LARS1: variants seen among roughly 807,000 people sequenced by gnomAD.
LARS1 encodes leucine--tRNA ligase, cytoplasmic.
In LARS1, 100 loss-of-function variants were observed where a neutral mutation model predicts 162.8. That is an observed-to-expected ratio of 0.61 (90% CI 0.52 to 0.73). The LOEUF is 0.73. Ranked by LOEUF, LARS1 falls within the 30% of genes least tolerant of loss-of-function variation. The pLI, the probability that LARS1 is intolerant of heterozygous loss-of-function variation, is 0.00. For synonymous variants in LARS1, 457 were observed against 462.8 expected (o/e 0.99, Z 0.16); for missense variants, 1,258 against 1,408.9 (o/e 0.89, Z 1.71).
intron 28 of LARS1, among the ~76,000 whole-genome samples, chr5:146,125,415 G>A (rs1752002123): frequency 6.6e-6 from 1 of 151,974 alleles, no homozygotes; most frequent in Admixed American, 6.6e-5. Context: ...CAGCCAAGAA[G>A]ACACAAGAAT....
intron 24 of LARS1, chr5:146,130,775 C>T: frequency 3.0e-6 from 1 of 337,718 alleles, no homozygotes; most frequent in Non-Finnish European, 5.3e-6. Context: ...ATTTAATCTC[C>T]TTTATATTAA....
At chr5:146,150,626 CAA>C (rs71581862) in intron 14 of LARS1, among the ~76,000 whole-genome samples, 19 of 68,792 alleles carry the variant, frequency 2.8e-4, no homozygotes, top group Non-Finnish European at 2.5e-4. Flanking sequence ...GACTCCGTCT[CAA>C]AAAAAAAAAA....
intron 18 of LARS1, among the ~76,000 whole-genome samples, chr5:146,143,934 A>AGAG (rs1319156518): frequency 6.6e-6 from 1 of 152,100 alleles, no homozygotes; most frequent in Non-Finnish European, 1.5e-5. Flanking sequence ...CCCGGGAGGC[A>AGAG]GAGGTTGCAG....
At chr5:146,175,300 CT>C (rs1328214209) in intron 2 of LARS1, among the ~76,000 whole-genome samples, 2 of 151,596 alleles carry the variant, frequency 1.3e-5, no homozygotes, top group East Asian at 1.9e-4. Context: ...AATCCCAGCA[CT>C]TTGGGAGTCG....
chr5:146,144,767 C>A (rs1644263641), intron 15 of LARS1, 58 bp from the exon 16 acceptor site: 13 of 1,454,340 alleles, frequency 8.9e-6, no homozygotes, highest in South Asian at 3.5e-5. Context: ...CTTCATTCCT[C>A]AAGGATAAAA....
At chr5:146,137,449 T>C (rs945352927) in intron 21 of LARS1, among the ~76,000 whole-genome samples, 6 of 152,172 alleles carry the variant, frequency 3.9e-5, no homozygotes, top group African/African-American at 9.7e-5. Flanking sequence ...ACTGAGGATA[T>C]TGATTAATAA....
At chr5:146,152,312 G>A (rs1753330074) in intron 13 of LARS1, among the ~76,000 whole-genome samples, 1 of 151,932 alleles carries the variant, frequency 6.6e-6, no homozygotes, top group African/African-American at 2.4e-5. Flanking sequence ...ACTGAAACTA[G>A]CAAAATGATG....
chr5:146,140,200 T>C lies in LARS1; in HGVS notation c.2148+4A>G. On this transcript the variant is annotated splice_donor_region_variant and intron_variant, in intron 21 of 31. Coordinates refer to ENST00000394434, the MANE Select transcript of LARS1 (RefSeq NM_020117.11). ...TTAAACTTTTAAGATGCAATAAGCC[T>C]TACCTTCTCAGAGTTCAGGAGGAGA... 2 of 1,609,542 alleles carry C rather than the reference T, an allele frequency of 1.2e-6. No homozygotes were observed. The highest frequency in any genetic ancestry group is 1.7e-4 in the Middle Eastern group (1 of 6,058).
At chr5:146,181,435 G>A (rs1374024572) in intron 1 of LARS1, among the ~76,000 whole-genome samples, 1 of 151,988 alleles carries the variant, frequency 6.6e-6, no homozygotes, top group Non-Finnish European at 1.5e-5. Context: ...CAGCACTTTC[G>A]GAGGCTGAGA....
chr5:146,156,555 C>A (rs1013127664), intron 10 of LARS1, among the ~76,000 whole-genome samples: 1 of 151,872 alleles, frequency 6.6e-6, no homozygotes, highest in Non-Finnish European at 1.5e-5. Context: ...ATTAGCTGGG[C>A]GTGGTGGCCC....
intron 25 of LARS1, 57 bp from the exon 26 acceptor site, chr5:146,129,175 T>A (rs35986267): frequency 9.8e-6 from 14 of 1,424,952 alleles, no homozygotes; most frequent in South Asian, 5.3e-5. Flanking sequence ...TATAACTATT[T>A]TACGGTTCTT....
chr5:146,128,869 G>C lies in LARS1; in HGVS notation c.2770-87C>G, dbSNP rs985938983. The C allele has an allele frequency of 1.2e-5, 17 of 1,398,458 alleles. No homozygotes were observed. In the Admixed American group the frequency reaches 1.3e-4, roughly 11 times the overall value. The allele number at this position is 1,398,458 out of a possible 1,614,324, so 86.6% of individuals were successfully genotyped here. ...ACCCTCCCCCAACATACACCACCAC[G>C]GTCTTCACCATTAATGAAAATCTTT... On this transcript the variant is annotated intron_variant, in intron 26 of 31. Transcript: ENST00000394434.
intron 19 of LARS1, 101 bp from the exon 20 acceptor site, chr5:146,143,185 T>C: frequency 1.2e-6 from 1 of 823,084 alleles, no homozygotes; most frequent in Non-Finnish European, 1.7e-6. Flanking sequence ...ATCTCTTTCT[T>C]AATGTAGTTA....
In LARS1 at chr5:146,159,403, T is replaced by A. The variant is rs976580572; in HGVS notation, c.771+4A>T. On this transcript the variant is annotated splice_donor_region_variant and intron_variant, in intron 8 of 31. Coordinates refer to ENST00000394434, the MANE Select transcript of LARS1 (RefSeq NM_020117.11). ...AATAGCTACTCTGTCTCACAAATAA[T>A]CACCTCTCCAGTTTGTCTATCATGA... 1 of 1,604,576 alleles carries A rather than the reference T, an allele frequency of 6.2e-7. No individual in the cohort carries two copies.
At chr5:146,160,334 C>T (rs1304959942) in intron 7 of LARS1, 40 bp downstream of exon 7, 10 of 1,174,888 alleles carry the variant, frequency 8.5e-6, no homozygotes, top group Non-Finnish European at 1.1e-5. Flanking sequence ...CTGTGCCCAA[C>T]TGATTTTTGC....
intron 22 of LARS1, among the ~76,000 whole-genome samples, chr5:146,134,284 G>A (rs1273325230): frequency 6.6e-6 from 1 of 152,170 alleles, no homozygotes; most frequent in African/African-American, 2.4e-5. Flanking sequence ...CTGATAGTGA[G>A]CTCTGTGAGG....
chr5:146,123,872 G>T, intron 29 of LARS1, 110 bp downstream of exon 29: 2 of 513,356 alleles, frequency 3.9e-6, no homozygotes, highest in Non-Finnish European at 6.6e-6. Flanking sequence ...ATTTAACAAA[G>T]ATACTAAACA....
chr5:146,115,009 A>G (rs1764137480), intron 31 of LARS1, among the ~76,000 whole-genome samples: 1 of 143,370 alleles, frequency 7.0e-6, no homozygotes, highest in African/African-American at 2.6e-5. Flanking sequence ...GCGCCACTGC[A>G]CTCCAGCCTG....
At chr5:146,163,322 T>G (rs1753861133) in intron 6 of LARS1, among the ~76,000 whole-genome samples, 1 of 152,192 alleles carries the variant, frequency 6.6e-6, no homozygotes, top group Non-Finnish European at 1.5e-5. Context: ...TCTCCATATC[T>G]GCAATAAGGT....
Sources: gnomAD v4.1 joint callset for allele counts (sites outside exome capture counted in the v4.1 genomes callset) on GRCh38, gnomAD v4.1.1 for gene constraint, MANE v1.5 for transcripts, NCBI Gene and HGNC (gene_info 2026-07-23, HGNC 2026-07-21) for gene names.